The following ANKFN1 variants were observed in gnomAD, a reference collection of about 807,000 sequenced individuals.
ANKFN1 encodes ankyrin repeat and fibronectin type-III domain-containing protein 1.
In ANKFN1, 74 loss-of-function variants were observed where a neutral mutation model predicts 108.7. That is an observed-to-expected ratio of 0.68 (90% CI 0.56 to 0.83). The LOEUF is 0.83. ANKFN1 is among the 40% of genes least tolerant of loss of function. ANKFN1 has a pLI of 0.00. For missense variants in ANKFN1, 1,505 were observed against 1,382.3 expected, an observed-to-expected ratio of 1.09 and a Z score of -1.41; for synonymous variants, 547 against 516.2, an observed-to-expected ratio of 1.06 and a Z score of -0.81.
At chr17:56,312,951 T>C (rs1269545797) in intron 3 of ANKFN1, among the ~76,000 whole-genome samples, 1 of 151,954 alleles carries the variant, frequency 6.6e-6, no homozygotes, top group African/African-American at 2.4e-5. Flanking sequence ...GGTCAGGAGT[T>C]CAAGACCAGC....
rs2145514847 is a variant in ANKFN1 at position 56,514,982 on chromosome 17, GCAT to G, written c.*3715_*3717del. Among the ~76,000 whole-genome samples, 1 of 152,122 alleles carries G rather than the reference GCAT, an allele frequency of 6.6e-6. No individual in the cohort carries two copies. Among genetic ancestry groups the G allele is most frequent in the Non-Finnish European group, 1.5e-5 (1 of 67,986 alleles). ...GAAGATAACTCTGTTAGACGAGGAG[GCAT>G]CCCAGAAAATACCTGCTTGGCCTCC... On this transcript the variant is annotated 3_prime_UTR_variant, in exon 21 of 21. Coordinates refer to ENST00000682825, the MANE Select transcript of ANKFN1 (RefSeq NM_001370326.1).
At chr17:56,217,222 C>CT (rs1364983809) in intron 2 of ANKFN1, among the ~76,000 whole-genome samples, 1 of 152,184 alleles carries the variant, frequency 6.6e-6, no homozygotes, top group African/African-American at 2.4e-5. Flanking sequence ...TCTCACCTCT[C>CT]TACTGTTCAA....
At chr17:56,440,879 G>T (rs2049080154) in intron 9 of ANKFN1, among the ~76,000 whole-genome samples, 1 of 148,570 alleles carries the variant, frequency 6.7e-6, no homozygotes, top group Non-Finnish European at 1.5e-5. Flanking sequence ...CTTTTCCCTT[G>T]ATTAAAAAAA....
chr17:56,360,974 G>C (rs1429261700), intron 6 of ANKFN1, among the ~76,000 whole-genome samples: 1 of 151,924 alleles, frequency 6.6e-6, no homozygotes, highest in Non-Finnish European at 1.5e-5. Context: ...TGTACCCTTT[G>C]ATCAATATCT....
chr17:56,098,209 T>C (rs1408264139), intron 4 of ANKFN1, among the ~76,000 whole-genome samples: 2 of 152,188 alleles, frequency 1.3e-5, no homozygotes, highest in African/African-American at 4.8e-5. Context: ...AGGATGGCCC[T>C]ACTGAAGTCC....
chr17:56,445,305 C>T (rs1326259327), intron 10 of ANKFN1, among the ~76,000 whole-genome samples: 1 of 152,184 alleles, frequency 6.6e-6, no homozygotes, highest in Non-Finnish European at 1.5e-5. Context: ...GATGCATTTG[C>T]TGATAAAGAT....
intron 8 of ANKFN1, among the ~76,000 whole-genome samples, chr17:56,395,184 T>G (rs2047543879): frequency 6.6e-6 from 1 of 152,172 alleles, no homozygotes; most frequent in South Asian, 2.1e-4. Flanking sequence ...GAAATTTTAA[T>G]GAAGGGATTA....
At chr17:56,457,201 A>G in intron 12 of ANKFN1, 56 bp from the exon 13 acceptor site, 3 of 1,482,398 alleles carry the variant, frequency 2.0e-6, no homozygotes, top group Non-Finnish European at 2.7e-6. Context: ...ACATCCAAAA[A>G]AATATTTTTC....
chr17:56,308,500 T>C (rs2144418168), intron 3 of ANKFN1, among the ~76,000 whole-genome samples: 1 of 152,262 alleles, frequency 6.6e-6, no homozygotes, highest in East Asian at 1.9e-4. Context: ...CACATAGGAA[T>C]GGTTTTATTT....
intron 4 of ANKFN1, among the ~76,000 whole-genome samples, chr17:56,058,137 A>G: frequency 6.6e-6 from 1 of 152,246 alleles, no homozygotes; most frequent in Non-Finnish European, 1.5e-5. Context: ...TGGTAAATGA[A>G]CAATGGCTTC....
intron 6 of ANKFN1, among the ~76,000 whole-genome samples, chr17:56,360,789 G>T (rs749346934): frequency 2.4e-4 from 37 of 152,026 alleles, no homozygotes; most frequent in Non-Finnish European, 4.3e-4. Context: ...CATTTTTCTG[G>T]TTTTTTGCTT....
chr17:56,420,029 C>T (rs1381907708), intron 8 of ANKFN1, among the ~76,000 whole-genome samples: 1 of 152,066 alleles, frequency 6.6e-6, no homozygotes, highest in Non-Finnish European at 1.5e-5. Flanking sequence ...ACGGCCAAAT[C>T]CCCAGAGCAG....
chr17:56,174,388 G>A (rs1910939492), intron 1 of ANKFN1: 1 of 985,500 alleles, frequency 1.0e-6, no homozygotes, highest in African/African-American at 1.7e-5. Context: ...TTGGAGGAGG[G>A]AGCAGAGGCT....
chr17:56,255,857 A>T (rs34952502), intron 3 of ANKFN1, among the ~76,000 whole-genome samples: 1 of 152,220 alleles, frequency 6.6e-6, no homozygotes, highest in Non-Finnish European at 1.5e-5. Flanking sequence ...CTGGAAAATT[A>T]CCATGGAGAA....
At chr17:56,309,700 T>C (rs1473213837) in intron 3 of ANKFN1, among the ~76,000 whole-genome samples, 1 of 152,250 alleles carries the variant, frequency 6.6e-6, no homozygotes, top group Non-Finnish European at 1.5e-5. Flanking sequence ...ATATACACTA[T>C]GTTTTTCTTA....
At chr17:56,503,277 T>C (rs1039418816) in intron 20 of ANKFN1, among the ~76,000 whole-genome samples, 5 of 151,756 alleles carry the variant, frequency 3.3e-5, no homozygotes, top group African/African-American at 1.2e-4. Context: ...TTTTTCCAGA[T>C]GATGTTAAGA....
intron 2 of ANKFN1, among the ~76,000 whole-genome samples, chr17:56,219,234 T>C (rs771349688): frequency 1.1e-4 from 16 of 144,566 alleles, no homozygotes; most frequent in Non-Finnish European, 2.2e-4. Flanking sequence ...ATTTTTTGAT[T>C]ATTTGTTTTT....
intron 4 of ANKFN1, among the ~76,000 whole-genome samples, chr17:56,094,481 T>TA (rs1905481763): frequency 7.9e-6 from 1 of 126,614 alleles, no homozygotes; most frequent in Non-Finnish European, 1.6e-5. Context: ...CTTCTTTTTT[T>TA]TTTTTTTTTT....
chr17:56,284,404 CT>C (rs1035727929), intron 3 of ANKFN1, among the ~76,000 whole-genome samples: 4 of 151,788 alleles, frequency 2.6e-5, no homozygotes, highest in Non-Finnish European at 5.9e-5. Context: ...ATGATATTTC[CT>C]TTTTTTTCTT....
Sources: allele counts gnomAD v4.1 joint callset (sites outside exome capture counted in the v4.1 genomes callset), GRCh38; gene constraint gnomAD v4.1.1; transcripts MANE v1.5; gene names NCBI Gene and HGNC (gene_info 2026-07-23, HGNC 2026-07-21).